Variants in LMF1 observed in about 807,000 individuals in gnomAD.
LMF1 encodes the protein transmembrane protein 112.
Under a neutral mutation model 60.6 loss-of-function variants are expected in LMF1, and 68 were observed. The ratio of observed to expected loss-of-function variants is 1.12; its 90% CI spans 0.92 to 1.37. The LOEUF (loss-of-function observed/expected upper bound fraction) is 1.37, where lower values mean the gene tolerates loss of function less well. LMF1 is among the 40% of genes most tolerant of loss of function. The probability of loss-of-function intolerance (pLI) is 0.00; values close to 1 mark genes in which losing one functional copy is unlikely to be tolerated. For missense variants in LMF1, 948 were observed against 767.2 expected, an observed-to-expected ratio of 1.24 and a Z score of -2.78; for synonymous variants, 418 against 324.7, an observed-to-expected ratio of 1.29 and a Z score of -3.09.
intron 3 of LMF1, among the ~76,000 whole-genome samples, chr16:930,121 A>G (rs1327235618): frequency 9.5e-6 from 1 of 104,780 alleles, no homozygotes; most frequent in Non-Finnish European, 1.9e-5. Context: ...AGAGCCCAGG[A>G]CAGCAGTGGT....
At chr16:929,197 A>C (rs1024084606) in intron 3 of LMF1, among the ~76,000 whole-genome samples, 1 of 152,182 alleles carries the variant, frequency 6.6e-6, no homozygotes, top group African/African-American at 2.4e-5. Context: ...GCGTCTCCAG[A>C]AGCACTGGGG....
intron 10 of LMF1, among the ~76,000 whole-genome samples, chr16:859,199 G>T (rs2069336519): frequency 9.0e-6 from 1 of 111,110 alleles, no homozygotes; most frequent in Admixed American, 8.4e-5. Context: ...GGACGGGTGT[G>T]AGTGGTGTCT....
In LMF1 at chr16:878,149, G is replaced by C. The variant is rs1478956555; in HGVS notation, c.897+1421C>G. 1.3e-5 allele frequency among the ~76,000 whole-genome samples: 2 copies of C among 152,086 alleles called. No homozygotes were observed. The highest frequency in any genetic ancestry group is 4.8e-5 in the African/African-American group (2 of 41,390). On this transcript the variant is annotated intron_variant, in intron 6 of 10. Coordinates refer to ENST00000262301, the MANE Select transcript of LMF1 (RefSeq NM_022773.4). This position sits in a 1 kb window ranked among gnomAD's most constrained non-coding sequence, Gnocchi z 5.2. The stretch of plus-strand genomic sequence containing the variant: ...TTCCAGGAGCCCCCAAACACGCGTG[G>C]GGTCCGGCTACATGGAACCGACTGA...
intron 2 of LMF1, among the ~76,000 whole-genome samples, chr16:948,462 T>A (rs1192476459): frequency 2.6e-4 from 33 of 124,796 alleles, no homozygotes; most frequent in Non-Finnish European, 4.8e-4. Context: ...AACGACAGAG[T>A]CAGAGACAAT....
chr16:952,316 C>CCCA (rs1555473483), intron 2 of LMF1, among the ~76,000 whole-genome samples: 78 of 152,046 alleles, frequency 5.1e-4, no homozygotes, highest in African/African-American at 1.4e-3. Flanking sequence ...GGACCCCCCC[C>CCCA]CACAGGTGCC....
chr16:921,711 G>T (rs2071436047), intron 3 of LMF1, among the ~76,000 whole-genome samples: 1 of 152,164 alleles, frequency 6.6e-6, no homozygotes, highest in Non-Finnish European at 1.5e-5. Context: ...GCCCCACCCT[G>T]ATGTGCGCTG....
intron 1 of LMF1, among the ~76,000 whole-genome samples, chr16:965,174 T>C (rs1417329317): frequency 1.3e-5 from 2 of 152,226 alleles, no homozygotes; most frequent in African/African-American, 4.8e-5. Flanking sequence ...AGCGGTGGGT[T>C]CTGTGTGGTG....
chr16:939,030 C>T (rs1208850615), intron 2 of LMF1, among the ~76,000 whole-genome samples: 1 of 152,156 alleles, frequency 6.6e-6, no homozygotes, highest in Non-Finnish European at 1.5e-5. Context: ...CATTTACCTT[C>T]CCGGACAGCA....
At chr16:939,722 G>A (rs1159660413) in intron 2 of LMF1, among the ~76,000 whole-genome samples, 1 of 152,226 alleles carries the variant, frequency 6.6e-6, no homozygotes, top group African/African-American at 2.4e-5. Flanking sequence ...GTGATTTGAC[G>A]GGAAGTAAAA....
intron 10 of LMF1, among the ~76,000 whole-genome samples, chr16:858,815 C>T (rs1256159774): frequency 1.1e-4 from 5 of 45,930 alleles, no homozygotes; most frequent in East Asian, 6.1e-4. Context: ...TGTCTCGGGA[C>T]GGGTGTGAGT....
At chr16:917,067 AT>A (rs1826794033) in intron 3 of LMF1, among the ~76,000 whole-genome samples, 1 of 152,202 alleles carries the variant, frequency 6.6e-6, no homozygotes, top group Non-Finnish European at 1.5e-5. Flanking sequence ...CTGCAAACTC[AT>A]CTTGAAGGCA....
At chr16:881,229 G>T (rs2070154557) in intron 5 of LMF1, among the ~76,000 whole-genome samples, 1 of 152,114 alleles carries the variant, frequency 6.6e-6, no homozygotes, top group South Asian at 2.1e-4. Flanking sequence ...GGGCCCCAGT[G>T]CACCCCAAGA....
chr16:910,398 C>T (rs983602009), intron 4 of LMF1, among the ~76,000 whole-genome samples: 9 of 152,158 alleles, frequency 5.9e-5, no homozygotes, highest in South Asian at 2.1e-4. Flanking sequence ...TCCTGAGAGA[C>T]GTCAAAGCCA....
At chr16:857,475 G>T (rs1214875020) in intron 10 of LMF1, among the ~76,000 whole-genome samples, 2 of 120,162 alleles carry the variant, frequency 1.7e-5, no homozygotes, top group African/African-American at 6.6e-5. Flanking sequence ...GGACGGGTGT[G>T]AGTGGTGTCA....
At chr16:925,152 C>T (rs1368165394) in intron 3 of LMF1, among the ~76,000 whole-genome samples, 1 of 152,240 alleles carries the variant, frequency 6.6e-6, no homozygotes, top group Non-Finnish European at 1.5e-5. Flanking sequence ...CTGTCACTGT[C>T]ACTAATCCAC....
chr16:957,940 CCA>C (rs2072742210), intron 1 of LMF1, among the ~76,000 whole-genome samples: 1 of 152,182 alleles, frequency 6.6e-6, no homozygotes, highest in South Asian at 2.1e-4. Flanking sequence ...CCCAGGAATT[CCA>C]GAGCAGCCTG....
chr16:890,618 C>G (rs892265310), intron 5 of LMF1, among the ~76,000 whole-genome samples: 1 of 152,222 alleles, frequency 6.6e-6, no homozygotes, highest in African/African-American at 2.4e-5. Flanking sequence ...GGAGTGGCCT[C>G]AGCCACAATC....
chr16:876,313 G>A (rs148031757), intron 6 of LMF1, among the ~76,000 whole-genome samples: 3 of 152,384 alleles, frequency 2.0e-5, no homozygotes, highest in South Asian at 2.1e-4. Context: ...AGGCAGTACC[G>A]TGGAGACGGA....
In LMF1 at chr16:874,491, G is replaced by T. The variant is rs1408456423; in HGVS notation, c.898-3150C>A. On this transcript the variant is annotated intron_variant, in intron 6 of 10. Transcript: ENST00000262301. This position sits in a 1 kb window ranked among gnomAD's most constrained non-coding sequence, Gnocchi z 4.1. ...CACCAGTGCCCTAGTGGAGGCTGAT[G>T]GCTCCCGTGGGGTGCTGGCTGGGCG... 6.6e-6 allele frequency among the ~76,000 whole-genome samples: 1 copy of T among 152,212 alleles called. No homozygotes were observed. The highest frequency in any genetic ancestry group is 1.5e-5 in the Non-Finnish European group (1 of 68,038).
Sources: allele counts gnomAD v4.1 joint callset (sites outside exome capture counted in the v4.1 genomes callset), GRCh38; gene constraint gnomAD v4.1.1; non-coding constraint Gnocchi (gnomAD v3.1); transcripts MANE v1.5; gene names NCBI Gene and HGNC (gene_info 2026-07-23, HGNC 2026-07-21).